The following RAB6B variants were observed in gnomAD, a reference collection of about 807,000 sequenced individuals.
The protein encoded by RAB6B is ras-related protein Rab-6B.
RAB6B carries 7 observed loss-of-function variants against 31.2 expected under a neutral mutation model. That is an observed-to-expected ratio of 0.22 (90% CI 0.13 to 0.42). RAB6B has a LOEUF of 0.42. Among genes scored for constraint, RAB6B ranks in the 10% least tolerant of loss-of-function variants. The pLI is 1.00. For synonymous variants in RAB6B, 105 were observed against 104.9 expected (o/e 1.00, Z -0.01); for missense variants, 149 against 280.6 (o/e 0.53, Z 3.35).
At chr3:133,882,417 C>T (rs1461527479) in intron 1 of RAB6B, among the ~76,000 whole-genome samples, 5 of 152,190 alleles carry the variant, frequency 3.3e-5, no homozygotes, top group Non-Finnish European at 5.9e-5. Context: ...GTATGACTCA[C>T]CTGGGGTCAC....
At position 133,866,687 on chromosome 3, in the gene RAB6B, T is replaced by C. The variant is rs541058733; in HGVS notation, c.71-2045A>G. Among the ~76,000 whole-genome samples, 14 of 152,336 alleles carry C rather than the reference T, an allele frequency of 9.2e-5. 1 individual carries two copies. The highest frequency in any genetic ancestry group is 2.4e-4 in the African/African-American group (10 of 41,586). The stretch of plus-strand genomic sequence containing the variant: ...AAGGTGAGAAGTAGGGGGCCTCCCA[T>C]ACCTGGAGGATCAGCTCTGAGGCCA... On this transcript the variant is annotated intron_variant, in intron 1 of 7. Coordinates refer to ENST00000285208, the MANE Select transcript of RAB6B (RefSeq NM_016577.4).
At chr3:133,882,742 T>G (rs1381249467) in intron 1 of RAB6B, among the ~76,000 whole-genome samples, 1 of 152,176 alleles carries the variant, frequency 6.6e-6, no homozygotes. Flanking sequence ...CAGCTGAGTG[T>G]GGTCTTCTTG....
At position 133,885,515 on chromosome 3, in the gene RAB6B, G is replaced by A. The variant is rs767211937; in HGVS notation, c.70+9882C>T. 33 of 702,748 alleles carry A rather than the reference G, an allele frequency of 4.7e-5. No homozygotes were observed. The South Asian group carries it at 4.7e-4, about 10-fold the overall frequency. 43.5% of individuals were successfully genotyped at this position (702,748 alleles called of 1,614,324 possible). ...GGGACTCACACATCCAATGACCAGA[G>A]GATAGGGGAGCTCACACACCCAATG... On this transcript the variant is annotated intron_variant, in intron 1 of 7. Coordinates refer to ENST00000285208, the MANE Select transcript of RAB6B (RefSeq NM_016577.4).
intron 7 of RAB6B, among the ~76,000 whole-genome samples, chr3:133,829,642 T>C (rs1284808813): frequency 6.6e-6 from 1 of 152,182 alleles, no homozygotes; most frequent in African/African-American, 2.4e-5. Context: ...GTGTGGGGTG[T>C]GGTGGTATAA....
intron 7 of RAB6B, among the ~76,000 whole-genome samples, chr3:133,832,963 A>C (rs1935676873): frequency 6.6e-6 from 1 of 152,062 alleles, no homozygotes; most frequent in Admixed American, 6.5e-5. Flanking sequence ...AGCCCTCAAC[A>C]GCGCGACTCT....
Position 133,828,585 on chromosome 3 carries a change from G to A in RAB6B, c.*203C>T. 1.5e-6 allele frequency: 1 copy of A among 646,148 alleles called. No homozygotes were observed. The highest frequency in any genetic ancestry group is 2.6e-5 in the East Asian group (1 of 38,280). The allele number at this position is 646,148 out of a possible 1,614,324, so 40.0% of individuals were successfully genotyped here. ...TATATTACAACCAAACCAAAAAATA[G>A]TTGTTTAAGTAACAGCCGTTAAGAG... On this transcript the variant is annotated 3_prime_UTR_variant, in exon 8 of 8. Coordinates refer to ENST00000285208, the MANE Select transcript of RAB6B (RefSeq NM_016577.4).
chr3:133,829,207 C>T lies in RAB6B; in HGVS notation c.563-355G>A, dbSNP rs1424136969. The stretch of plus-strand genomic sequence containing the variant: ...TCAGCCCAGTTACCTGTCAGCCCCA[C>T]TCAAAGTGCAATGGAGATGAAGAGC... On this transcript the variant is annotated intron_variant, in intron 7 of 7. Coordinates refer to ENST00000285208, the MANE Select transcript of RAB6B (RefSeq NM_016577.4). Among the ~76,000 whole-genome samples, 10 of 152,316 alleles carry T rather than the reference C, an allele frequency of 6.6e-5. No homozygotes were observed. The East Asian group carries it at 1.5e-3, about 23-fold the overall frequency.
At chr3:133,859,993 C>A (rs180890397) in intron 2 of RAB6B, among the ~76,000 whole-genome samples, 1 of 152,120 alleles carries the variant, frequency 6.6e-6, no homozygotes. Context: ...CTCACCAGGT[C>A]GAGATGCTGG....
intron 1 of RAB6B, among the ~76,000 whole-genome samples, chr3:133,883,446 G>A (rs1936496037): frequency 6.6e-6 from 1 of 152,160 alleles, no homozygotes; most frequent in African/African-American, 2.4e-5. Context: ...TTAGGACCCT[G>A]GGATGGACAG....
At chr3:133,859,475 C>T (rs557002148) in intron 2 of RAB6B, among the ~76,000 whole-genome samples, 3 of 152,190 alleles carry the variant, frequency 2.0e-5, no homozygotes, top group South Asian at 2.1e-4. Flanking sequence ...AGTGTGTCCA[C>T]GGGGAACCTT....
At chr3:133,852,474 T>TC (rs1936000994) in intron 2 of RAB6B, among the ~76,000 whole-genome samples, 1 of 45,458 alleles carries the variant, frequency 2.2e-5, no homozygotes, top group Non-Finnish European at 1.0e-4. Flanking sequence ...TTTTTCTTTT[T>TC]CTTTTTTTTT....
At chr3:133,866,402 C>T (rs1008646221) in intron 1 of RAB6B, among the ~76,000 whole-genome samples, 2 of 152,160 alleles carry the variant, frequency 1.3e-5, no homozygotes, top group Admixed American at 1.3e-4. Context: ...GTTCAGGATT[C>T]TGCCAGGTCA....
intron 1 of RAB6B, among the ~76,000 whole-genome samples, chr3:133,877,809 A>G (rs1413504937): frequency 6.7e-6 from 1 of 148,630 alleles, no homozygotes; most frequent in Non-Finnish European, 1.5e-5. Flanking sequence ...TATGCTATAT[A>G]CTATATGTTA....
intron 1 of RAB6B, among the ~76,000 whole-genome samples, chr3:133,878,150 A>T (rs1936421009): frequency 6.6e-6 from 1 of 152,152 alleles, no homozygotes; most frequent in South Asian, 2.1e-4. Context: ...AATGACTGAA[A>T]ATACTCCAAA....
chr3:133,827,955 C>T lies in RAB6B; in HGVS notation c.*833G>A, dbSNP rs974317800. ...ACATGGCACCCCAGTCTATAAACCACGCACCACGCAGCTGCAATTGCCAAC... is the reference window on the plus strand; with the variant it reads ...ACATGGCACCCCAGTCTATAAACCATGCACCACGCAGCTGCAATTGCCAAC... On this transcript the variant is annotated 3_prime_UTR_variant, in exon 8 of 8. Coordinates refer to ENST00000285208, the MANE Select transcript of RAB6B (RefSeq NM_016577.4). The T allele has an allele frequency of 4.0e-5, 28 of 702,962 alleles. No homozygotes were observed. The highest frequency in any genetic ancestry group is 8.7e-5 in the African/African-American group (5 of 57,364). The allele number at this position is 702,962 out of a possible 1,614,324, so 43.5% of individuals were successfully genotyped here. A position where few individuals can be genotyped will look rare whatever the true frequency, so the allele number is the denominator to read the frequency against.
In RAB6B at chr3:133,839,605, A is replaced by G. The variant is rs1453849035; in HGVS notation, c.302T>C (p.Phe101Ser). The G allele has an allele frequency of 6.2e-7, 1 of 1,613,288 alleles. No individual in the cohort carries two copies. ...VVYDITNLNS[F>S]QQTSKWIDDV... is the part of the protein sequence containing the mutation. ...GTCGATCCACTTAGAGGTCTGTTGG[A>G]AGGAGTTGAGATCTGGAGGCAGAAA... Residue 101 changes from phenylalanine to serine, a missense_variant, in exon 5 of 8, where the codon TTC (phenylalanine) becomes TCC (serine). Physicochemically the swap from Phe to Ser is radical, Grantham distance 155. Transcript: ENST00000285208.
intron 2 of RAB6B, among the ~76,000 whole-genome samples, chr3:133,859,964 G>C (rs1416099320): frequency 6.6e-6 from 1 of 152,220 alleles, no homozygotes; most frequent in East Asian, 1.9e-4. Flanking sequence ...GGCCAAGAAA[G>C]GATCCCGGGG....
intron 1 of RAB6B, among the ~76,000 whole-genome samples, chr3:133,884,648 G>A (rs1257183274): frequency 6.6e-6 from 1 of 152,204 alleles, no homozygotes; most frequent in Non-Finnish European, 1.5e-5. Flanking sequence ...CTGCATAACA[G>A]GGCTAGGGGG....
intron 7 of RAB6B, among the ~76,000 whole-genome samples, chr3:133,831,746 G>A (rs1248670440): frequency 2.6e-5 from 4 of 152,168 alleles, no homozygotes; most frequent in South Asian, 2.1e-4. Context: ...CATGGCCAGA[G>A]CACACCCGCC....
Sources: allele counts gnomAD v4.1 joint callset (sites outside exome capture counted in the v4.1 genomes callset), GRCh38; gene constraint gnomAD v4.1.1; transcripts MANE v1.5; gene names NCBI Gene and HGNC (gene_info 2026-07-23, HGNC 2026-07-21).